Variants in B4GALNT2 observed in about 807,000 individuals in gnomAD.
B4GALNT2 encodes the protein beta-1,4-N-acetyl-galactosaminyltransferase 2 (SID blood group), also known as N-acetylneuraminylgalactosylglucosyl-glucoside beta-1,4-N- acetylgalactosaminyltransferase 2.
In B4GALNT2, 42 loss-of-function variants were observed where a neutral mutation model predicts 51.1. The ratio of observed to expected loss-of-function variants is 0.82; its 90% CI spans 0.64 to 1.06. The LOEUF (loss-of-function observed/expected upper bound fraction) is 1.06. Among genes scored for constraint, B4GALNT2 ranks in the 50% least tolerant of loss-of-function variants. B4GALNT2 has a pLI of 0.00. For missense variants in B4GALNT2, 602 were observed against 633.6 expected (o/e 0.95, Z 0.54); for synonymous variants, 253 against 251.7 (o/e 1.01, Z -0.05).
intron 8 of B4GALNT2, among the ~76,000 whole-genome samples, chr17:49,165,176 C>T (rs1417033501): frequency 6.6e-6 from 1 of 152,058 alleles, no homozygotes; most frequent in Non-Finnish European, 1.5e-5. Flanking sequence ...CTTGAGGTCT[C>T]TGACATCTCA....
At chr17:49,130,940 G>T (rs1020195994), upstream of B4GALNT2, among the ~76,000 whole-genome samples, 3 of 152,092 alleles carry the variant, frequency 2.0e-5, no homozygotes, top group Admixed American at 6.6e-5. Flanking sequence ...AGCATTTGGG[G>T]GTCTCTTTGT....
chr17:49,128,350 T>A (rs1203383859), upstream of B4GALNT2, among the ~76,000 whole-genome samples: 1 of 152,024 alleles, frequency 6.6e-6, no homozygotes, highest in East Asian at 1.9e-4. Context: ...GCTGAAGGCT[T>A]GCGGGCAGGA....
chr17:49,163,432 G>A (rs372717197), intron 7 of B4GALNT2, among the ~76,000 whole-genome samples: 1 of 118,242 alleles, frequency 8.5e-6, no homozygotes, highest in Non-Finnish European at 1.7e-5. Flanking sequence ...ACCCTTAGAT[G>A]GGCAAAGCTC....
At position 49,170,171 on chromosome 17, in the gene B4GALNT2, C is replaced by T. The variant is rs1183748554; in HGVS notation, c.*443C>T. 6.5e-6 allele frequency: 1 copy of T among 154,540 alleles called. No individual in the cohort carries two copies. The highest frequency in any genetic ancestry group is 1.4e-5 in the Non-Finnish European group (1 of 69,616). 9.6% of individuals were successfully genotyped at this position (154,540 alleles called of 1,614,324 possible). ...TTTTTATTAGGTTCTATCTTGTAGA[C>T]TCAAAAAATGTGAACATTCCAGGGT... On this transcript the variant is annotated 3_prime_UTR_variant, in exon 11 of 11. Transcript: ENST00000393354.
chr17:49,171,896 A>G lies in B4GALNT2; in HGVS notation c.*2168A>G, dbSNP rs2042959911. 1 of 311,496 alleles carries G rather than the reference A, an allele frequency of 3.2e-6. No individual in the cohort carries two copies. Among genetic ancestry groups the G allele is most frequent in the Non-Finnish European group, 6.1e-6 (1 of 163,486 alleles). 19.3% of individuals were successfully genotyped at this position (311,496 alleles called of 1,614,324 possible). On this transcript the variant is annotated 3_prime_UTR_variant, in exon 11 of 11. Coordinates refer to ENST00000393354, the MANE Select transcript of B4GALNT2 (RefSeq NM_001159387.2). ...TGCTTTGCCTCAATTATAGGAGCAGATTTATTATGGTAAATATTAAGAGCA... is the reference window on the plus strand; with the variant it reads ...TGCTTTGCCTCAATTATAGGAGCAGGTTTATTATGGTAAATATTAAGAGCA...
upstream of B4GALNT2, among the ~76,000 whole-genome samples, chr17:49,129,183 A>T (rs1174139509): frequency 1.9e-5 from 2 of 106,378 alleles, no homozygotes; most frequent in African/African-American, 7.1e-5. Flanking sequence ...GGAGAGAAAG[A>T]GAGAGACAGA....
chr17:49,132,905 G>GGACGCA, intron 1 of B4GALNT2, 99 bp downstream of exon 1: 1 of 1,378,570 alleles, frequency 7.3e-7, no homozygotes, highest in Non-Finnish European at 9.4e-7. Flanking sequence ...CAGGTGCTGG[G>GGACGCA]GACGCAGACG....
chr17:49,150,251 G>A (rs375229909), intron 3 of B4GALNT2, among the ~76,000 whole-genome samples: 1 of 126,804 alleles, frequency 7.9e-6, no homozygotes, highest in African/African-American at 2.8e-5. Flanking sequence ...GGAGGTGGGG[G>A]GGTCAGCCCC....
intron 3 of B4GALNT2, among the ~76,000 whole-genome samples, chr17:49,148,041 C>T (rs2042713220): frequency 6.6e-6 from 1 of 151,784 alleles, no homozygotes; most frequent in Non-Finnish European, 1.5e-5. Context: ...TGTGGTGGCT[C>T]ATGCCAGTAA....
intron 5 of B4GALNT2, among the ~76,000 whole-genome samples, 177 bp from the exon 6 acceptor site, chr17:49,158,860 G>T (rs926518245): frequency 2.0e-5 from 3 of 152,064 alleles, no homozygotes; most frequent in South Asian, 2.1e-4. Context: ...TGGGGGCGGG[G>T]GCGCTAGCAC....
At chr17:49,129,611 C>A (rs963633595), upstream of B4GALNT2, among the ~76,000 whole-genome samples, 2 of 115,800 alleles carry the variant, frequency 1.7e-5, no homozygotes, top group African/African-American at 6.5e-5. Context: ...AGAGGGGCTT[C>A]TGGCCGATTT....
intron 9 of B4GALNT2, 28 bp from the exon 10 acceptor site, chr17:49,168,653 A>T: frequency 3.7e-6 from 6 of 1,604,446 alleles, no homozygotes; most frequent in Non-Finnish European, 5.1e-6. Flanking sequence ...TCTGCACTCT[A>T]ACATGGATTT....
chr17:49,159,478 A>T (rs187559668), intron 6 of B4GALNT2, among the ~76,000 whole-genome samples: 53 of 152,270 alleles, frequency 3.5e-4, no homozygotes, highest in Admixed American at 1.5e-3. Flanking sequence ...AGTAGCTGGG[A>T]TTACAGGCAC....
intron 9 of B4GALNT2, among the ~76,000 whole-genome samples, chr17:49,167,859 C>T (rs970312371): frequency 6.6e-6 from 1 of 152,182 alleles, no homozygotes; most frequent in Non-Finnish European, 1.5e-5. Flanking sequence ...ATCCACCCAC[C>T]TCAGCCTCCC....
At chr17:49,130,227 C>T (rs2042530268), upstream of B4GALNT2, among the ~76,000 whole-genome samples, 1 of 152,200 alleles carries the variant, frequency 6.6e-6, no homozygotes, top group African/African-American at 2.4e-5. Context: ...GCTTCCAAAC[C>T]ACAGATCTGA....
intron 1 of B4GALNT2, among the ~76,000 whole-genome samples, chr17:49,138,788 A>G (rs1052196924): frequency 6.6e-6 from 1 of 152,202 alleles, no homozygotes; most frequent in Admixed American, 6.5e-5. Context: ...GAGGCAGGAG[A>G]ATCATTTGAA....
chr17:49,133,020 C>T, intron 1 of B4GALNT2: 1 of 1,480,828 alleles, frequency 6.8e-7, no homozygotes. Context: ...CTCTGCACCC[C>T]CAGGAATGGG....
the B4GALNT2 span, among the ~76,000 whole-genome samples, chr17:49,125,701 G>A: frequency 3.2e-4 from 32 of 98,824 alleles, no homozygotes; most frequent in African/African-American, 8.9e-4. Flanking sequence ...TGGGAGGGAG[G>A]TGGGGGTCGG....
At chr17:49,129,849 T>A (rs1240739200), upstream of B4GALNT2, among the ~76,000 whole-genome samples, 1 of 152,210 alleles carries the variant, frequency 6.6e-6, no homozygotes, top group Admixed American at 6.5e-5. Flanking sequence ...TTGTGGTTTA[T>A]GGTCATGCTA....
Sources: gnomAD v4.1 joint callset for allele counts (sites outside exome capture counted in the v4.1 genomes callset) on GRCh38, gnomAD v4.1.1 for gene constraint, MANE v1.5 for transcripts, NCBI Gene and HGNC (gene_info 2026-07-23, HGNC 2026-07-21) for gene names.